The following ZNF487 variants were observed in gnomAD, a reference collection of about 807,000 sequenced individuals.
ZNF487 encodes the protein zinc finger protein 487.
Under a neutral mutation model 3.0 loss-of-function variants are expected in ZNF487, and 4 were observed. The observed-to-expected ratio is 1.35, with a 90% CI of 0.66 to 3.08. ZNF487 has a LOEUF of 3.08. Among genes scored for constraint, ZNF487 ranks in the 30% most tolerant of loss-of-function variants. The probability of loss-of-function intolerance (pLI) is 0.01; values close to 1 mark genes in which losing one functional copy is unlikely to be tolerated. For missense variants in ZNF487, 146 were observed against 98.7 expected (o/e 1.48, Z -2.03); for synonymous variants, 55 against 34.6 (o/e 1.59, Z -2.06).
rs112222561 is a variant in ZNF487, at chr10:43,439,229, G to A, written c.-94+1967G>A. Among the ~76,000 whole-genome samples, 200 of 151,954 alleles carry A rather than the reference G, an allele frequency of 1.3e-3. 1 individual carries two copies. Among genetic ancestry groups the A allele is most frequent in the African/African-American group, 4.4e-3 (184 of 41,478 alleles). ...TGCACTCCAGCCTGGGTGACAGAAC[G>A]AGATTCCGTCTCAAAAAAAAATCAG... On this transcript the variant is annotated intron_variant, in intron 1 of 3. Coordinates refer to ENST00000437590, the MANE Select transcript of ZNF487 (RefSeq NM_001355444.3).
chr10:43,496,664 A>G, the ZNF487 span, among the ~76,000 whole-genome samples: 1 of 152,170 alleles, frequency 6.6e-6, no homozygotes, highest in Admixed American at 6.6e-5. Context: ...GTTACAAACA[A>G]CTGAAATTTA....
chr10:43,447,493 C>T (rs1442748383), intron 1 of ZNF487, among the ~76,000 whole-genome samples: 4 of 152,042 alleles, frequency 2.6e-5, no homozygotes, highest in Admixed American at 6.6e-5. Context: ...CTGCCTGCCT[C>T]GGGCTCCCAA....
At chr10:43,520,484 C>T in the ZNF487 span, among the ~76,000 whole-genome samples, 1 of 152,126 alleles carries the variant, frequency 6.6e-6, no homozygotes, top group Admixed American at 6.5e-5. Context: ...TAGTATGTGT[C>T]CACTGATTTA....
intron 1 of ZNF487, among the ~76,000 whole-genome samples, chr10:43,457,558 GA>G (rs1023956426): frequency 0.017 from 2,369 of 136,942 alleles, 63 homozygotes; most frequent in African/African-American, 0.062. Flanking sequence ...CTGTCTTGGG[GA>G]AAAAAAAAAA....
intron 1 of ZNF487, among the ~76,000 whole-genome samples, chr10:43,439,278 T>C (rs1364706204): frequency 2.0e-5 from 3 of 152,042 alleles, no homozygotes; most frequent in Non-Finnish European, 2.9e-5. Flanking sequence ...CATGTGCCTG[T>C]AGTCCTAGCT....
At chr10:43,438,225 G>T (rs930144644) in intron 1 of ZNF487, among the ~76,000 whole-genome samples, 1 of 151,804 alleles carries the variant, frequency 6.6e-6, no homozygotes, top group African/African-American at 2.4e-5. Flanking sequence ...TCCCTCTGTC[G>T]CCCAGGCTGG....
At chr10:43,437,065 G>A (rs1364451579), upstream of ZNF487, 2 of 312,096 alleles carry the variant, frequency 6.4e-6, no homozygotes, top group Non-Finnish European at 1.3e-5. Context: ...CTGGACTGGC[G>A]GGCGCCCGGG....
the ZNF487 span, among the ~76,000 whole-genome samples, chr10:43,512,245 G>A: frequency 2.4e-4 from 36 of 152,286 alleles, no homozygotes; most frequent in African/African-American, 6.0e-4. Context: ...TGAGGCCATC[G>A]GTGCAGGCTG....
intron 1 of ZNF487, among the ~76,000 whole-genome samples, chr10:43,473,200 C>T (rs369622433): frequency 6.0e-5 from 9 of 150,658 alleles, no homozygotes; most frequent in Non-Finnish European, 8.9e-5. Context: ...CTCTGCCTCC[C>T]GGGTTCAAGC....
the ZNF487 span, among the ~76,000 whole-genome samples, chr10:43,491,375 C>T: frequency 3.4e-4 from 52 of 151,722 alleles, 2 homozygotes; most frequent in African/African-American, 1.2e-3. Context: ...TCTCCAGGTA[C>T]CTGTGTGGGT....
intron 1 of ZNF487, among the ~76,000 whole-genome samples, chr10:43,475,504 G>T (rs554346714): frequency 6.6e-6 from 1 of 150,570 alleles, no homozygotes; most frequent in African/African-American, 2.4e-5. Flanking sequence ...GATAGCGCAA[G>T]ACCCCGTCTG....
intron 1 of ZNF487, among the ~76,000 whole-genome samples, chr10:43,451,507 A>T (rs955688325): frequency 1.3e-5 from 2 of 150,874 alleles, no homozygotes; most frequent in African/African-American, 4.9e-5. Context: ...GGCCTCCCAA[A>T]GTGCTGGGAT....
intron 1 of ZNF487, among the ~76,000 whole-genome samples, chr10:43,440,812 A>C (rs1839572416): frequency 1.3e-5 from 2 of 151,772 alleles, no homozygotes; most frequent in South Asian, 2.1e-4. Context: ...AATTTGACTA[A>C]AATTGTTTGT....
rs1273177202 is a variant in ZNF487, at chr10:43,483,024, A to G, written c.*1102A>G. ...TGAATATAATGAAAGCTTTTACCAG[A>G]ATCCCAACTTCACTAAATGTCAGAG... On this transcript the variant is annotated 3_prime_UTR_variant, in exon 4 of 4. Coordinates refer to ENST00000437590, the MANE Select transcript of ZNF487 (RefSeq NM_001355444.3). The G allele has an allele frequency of 2.1e-6, 1 of 474,522 alleles. No individual in the cohort carries two copies. Among genetic ancestry groups the G allele is most frequent in the Non-Finnish European group, 4.2e-6 (1 of 235,468 alleles). 29.4% of individuals were successfully genotyped at this position (474,522 alleles called of 1,614,324 possible).
At chr10:43,499,322 G>A in the ZNF487 span, among the ~76,000 whole-genome samples, 4 of 152,080 alleles carry the variant, frequency 2.6e-5, no homozygotes, top group Non-Finnish European at 5.9e-5. Context: ...ATAAAGAAAC[G>A]GCCAGATATT....
At chr10:43,503,645 G>A in the ZNF487 span, among the ~76,000 whole-genome samples, 9 of 152,056 alleles carry the variant, frequency 5.9e-5, no homozygotes, top group Admixed American at 4.6e-4. Context: ...TCTCTCTGTC[G>A]TCCAGGGTGG....
Position 43,481,951 on chromosome 10 carries a change from G to T in ZNF487, c.*29G>T. Reference sequence around the variant, plus strand: ...TAATGAACATGTGAGAGCCTTTTCCGATAGACCAATATTCATTGTTCATCA... The same window carrying T: ...TAATGAACATGTGAGAGCCTTTTCCTATAGACCAATATTCATTGTTCATCA... On this transcript the variant is annotated 3_prime_UTR_variant, in exon 4 of 4. Coordinates refer to ENST00000437590, the MANE Select transcript of ZNF487 (RefSeq NM_001355444.3). 1.6e-6 allele frequency: 1 copy of T among 616,592 alleles called. No individual in the cohort carries two copies. Among genetic ancestry groups the T allele is most frequent in the Non-Finnish European group, 2.9e-6 (1 of 347,714 alleles). 38.2% of individuals were successfully genotyped at this position (616,592 alleles called of 1,614,324 possible).
At chr10:43,489,154 A>G in the ZNF487 span, among the ~76,000 whole-genome samples, 94 of 152,050 alleles carry the variant, frequency 6.2e-4, 4 homozygotes, top group African/African-American at 2.1e-3. Context: ...TACTACATCA[A>G]CATATTTAAC....
At chr10:43,493,519 C>A in the ZNF487 span, among the ~76,000 whole-genome samples, 2 of 151,282 alleles carry the variant, frequency 1.3e-5, no homozygotes, top group South Asian at 4.2e-4. Context: ...CATGGCGAAA[C>A]CCTGTCTCTA....
Sources: allele counts gnomAD v4.1 joint callset (sites outside exome capture counted in the v4.1 genomes callset), GRCh38; gene constraint gnomAD v4.1.1; transcripts MANE v1.5; gene names NCBI Gene and HGNC (gene_info 2026-07-23, HGNC 2026-07-21).